XKRX: variants seen among roughly 807,000 people sequenced by gnomAD.
XKRX encodes the protein XK related X-linked, also known as XK-related protein 2.
XKRX carries 11 observed loss-of-function variants against 22.4 expected under a neutral mutation model. The observed-to-expected ratio is 0.49, with a 90% CI of 0.31 to 0.81. The LOEUF is 0.81. Ranked by LOEUF, XKRX falls within the 40% of genes least tolerant of loss-of-function variation. The pLI, the probability that XKRX is intolerant of heterozygous loss-of-function variation, is 0.05. For missense variants in XKRX, 320 were observed against 336.5 expected (o/e 0.95, Z 0.38); for synonymous variants, 114 against 132.2 (o/e 0.86, Z 0.94).
At chrX:100,891,799 G>GAAAGAAAGAA in the XKRX span, among the ~76,000 whole-genome samples, 4 of 93,638 alleles carry the variant, frequency 4.3e-5, no homozygotes, top group African/African-American at 1.6e-4. Flanking sequence ...AAGAAAGAAA[G>GAAAGAAAGAA]TAAGTTAAAA....
chrX:100,890,521 A>G, the XKRX span, among the ~76,000 whole-genome samples: 4,784 of 110,401 alleles, frequency 0.043, 257 homozygotes, highest in African/African-American at 0.15. Flanking sequence ...CAAGTCCTTT[A>G]CATAAAAAAT....
the XKRX span, among the ~76,000 whole-genome samples, chrX:100,899,972 T>C: frequency 8.9e-6 from 1 of 112,294 alleles, no homozygotes; most frequent in African/African-American, 3.2e-5. Flanking sequence ...TCAGCCATCA[T>C]TTTTGCAGAA....
At chrX:100,913,276 T>C (rs1195674513), downstream of XKRX, among the ~76,000 whole-genome samples, 1 of 109,543 alleles carries the variant, frequency 9.1e-6, no homozygotes, top group Non-Finnish European at 1.9e-5. Context: ...CTTGTTTCCC[T>C]CCTCTGCCTT....
the XKRX span, among the ~76,000 whole-genome samples, chrX:100,906,170 C>A: frequency 3.6e-5 from 4 of 111,473 alleles, no homozygotes; most frequent in African/African-American, 6.5e-5. Flanking sequence ...CCCCTCCCCC[C>A]ACAAGTGCAT....
chrX:100,892,636 C>T, the XKRX span, among the ~76,000 whole-genome samples: 1 of 112,613 alleles, frequency 8.9e-6, no homozygotes, highest in East Asian at 2.8e-4. Flanking sequence ...GGTATCACCT[C>T]GTACTTGTTA....
chrX:100,890,148 G>C, the XKRX span, among the ~76,000 whole-genome samples: 6 of 111,589 alleles, frequency 5.4e-5, no homozygotes, highest in Non-Finnish European at 1.1e-4. Context: ...GGAGAGGTAA[G>C]TTCAGAGAGG....
At chrX:100,906,838 G>T in the XKRX span, among the ~76,000 whole-genome samples, 1 of 111,405 alleles carries the variant, frequency 9.0e-6, no homozygotes, top group East Asian at 2.8e-4. Flanking sequence ...CTGCTTTCTC[G>T]CATTCCTTGG....
chrX:100,952,085 T>A, the XKRX span, among the ~76,000 whole-genome samples: 12 of 110,288 alleles, frequency 1.1e-4, no homozygotes, highest in African/African-American at 1.6e-4. Context: ...GTACAAATAA[T>A]AATAATAATA....
At chrX:100,889,164 C>T in the XKRX span, among the ~76,000 whole-genome samples, 12,496 of 104,101 alleles carry the variant, frequency 0.12, 760 homozygotes, top group Non-Finnish European at 0.17. Flanking sequence ...TGCTTGAACC[C>T]GGGAGGTGGA....
At chrX:100,892,923 A>T in the XKRX span, among the ~76,000 whole-genome samples, 1 of 112,549 alleles carries the variant, frequency 8.9e-6, no homozygotes, top group Non-Finnish European at 1.9e-5. Context: ...TATGGAATCA[A>T]CTAAGTGTCC....
At chrX:100,947,321 C>T in the XKRX span, among the ~76,000 whole-genome samples, 1 of 112,048 alleles carries the variant, frequency 8.9e-6, no homozygotes, top group East Asian at 2.8e-4. Context: ...TTACTTTAGC[C>T]GCCACTGATT....
Position 100,922,852 on chromosome X carries a change from G to A in XKRX, c.545C>T (p.Pro182Leu). Reference sequence around the variant, plus strand: ...CACATAGAGCTGATAGGTCAGCTGGGGCACTGAGCCCAGGAAGGCTTGGAT... The same window carrying A: ...CACATAGAGCTGATAGGTCAGCTGGAGCACTGAGCCCAGGAAGGCTTGGAT... ...SQIQAFLGSVPQLTYQLYVSL... is the reference protein window; with the variant it reads ...SQIQAFLGSVLQLTYQLYVSL... The change falls in exon 2 of 3, where the codon CCC becomes CTC. Residue 182 changes from proline to leucine, a missense_variant. Pro to Leu is a moderately conservative substitution (Grantham distance 98). Transcript: ENST00000372956. 1 of 1,211,199 alleles carries A rather than the reference G, an allele frequency of 8.3e-7. No individual in the cohort carries two copies. Among genetic ancestry groups the A allele is most frequent in the Non-Finnish European group, 1.1e-6 (1 of 895,309 alleles).
chrX:100,917,722 G>GAAAGAAAGAAAGAAATAAATAAAT (rs772047288), intron 2 of XKRX, among the ~76,000 whole-genome samples: 8 of 75,025 alleles, frequency 1.1e-4, no homozygotes, highest in East Asian at 4.9e-4. Context: ...AAGAAAGAAA[G>GAAAGAAAGAAAGAAATAAATAAAT]AAATCCTTGG....
At chrX:100,935,782 A>C in the XKRX span, among the ~76,000 whole-genome samples, 37 of 112,329 alleles carry the variant, frequency 3.3e-4, no homozygotes, top group African/African-American at 1.1e-3. Flanking sequence ...CATTTCCCTC[A>C]ATCAATCTCT....
In XKRX at chrX:100,923,050, G is replaced by A; in HGVS notation, c.347C>T (p.Ala116Val). 2.5e-6 allele frequency: 3 copies of A among 1,211,399 alleles called. No homozygotes were observed. Among genetic ancestry groups the A allele is most frequent in the Non-Finnish European group, 3.4e-6 (3 of 895,290 alleles). The part of the protein sequence containing the change: ...LLGPVIRCLE[A>V]MIKYLTLWKK... ...CCACAGTGTGAGGTACTTAATCATG[G>A]CCTCCAAACATCTGCAGAAGTAAAG... The change falls in exon 2 of 3, where the codon GCC becomes GTC. Residue 116 changes from alanine to valine, a missense_variant. Ala to Val is a moderately conservative substitution (Grantham distance 64). Transcript: ENST00000372956.
intron 1 of XKRX, among the ~76,000 whole-genome samples, chrX:100,925,240 G>A (rs1350199723): frequency 8.9e-6 from 1 of 111,852 alleles, no homozygotes; most frequent in Non-Finnish European, 1.9e-5. Context: ...TCTGGTTTAA[G>A]TAAGGGTGTT....
At chrX:100,929,751 T>A (rs2085514831), upstream of XKRX, among the ~76,000 whole-genome samples, 1 of 111,511 alleles carries the variant, frequency 9.0e-6, no homozygotes, top group Admixed American at 9.5e-5. Flanking sequence ...GGATAGGAGC[T>A]TTAGAATGAA....
upstream of XKRX, among the ~76,000 whole-genome samples, chrX:100,930,287 TTAATAA>T (rs59300334): frequency 0.22 from 19,068 of 85,382 alleles, 2,102 homozygotes; most frequent in East Asian, 0.59. Context: ...AGATTACGTC[TTAATAA>T]TAATAATAAT....
At chrX:100,889,625 A>G in the XKRX span, among the ~76,000 whole-genome samples, 4 of 111,115 alleles carry the variant, frequency 3.6e-5, no homozygotes, top group Non-Finnish European at 5.7e-5. Flanking sequence ...ATGCTTCTAT[A>G]AGCCAAGGAA....
Sources: gnomAD v4.1 joint callset for allele counts (sites outside exome capture counted in the v4.1 genomes callset) on GRCh38, gnomAD v4.1.1 for gene constraint, MANE v1.5 for transcripts, NCBI Gene and HGNC (gene_info 2026-07-23, HGNC 2026-07-21) for gene names.